The following ZNF420 variants were observed in gnomAD, a reference collection of about 807,000 sequenced individuals.
ZNF420 encodes ATM and p53-associated KZNF protein.
A neutral mutation model predicts 44.7 loss-of-function variants in ZNF420; 31 were observed. That is an observed-to-expected ratio of 0.69 (90% confidence interval 0.52 to 0.94). The LOEUF (loss-of-function observed/expected upper bound fraction) is 0.94, where lower values mean the gene tolerates loss of function less well. Ranked by LOEUF, ZNF420 falls within the 40% of genes least tolerant of loss-of-function variation. The pLI, the probability that ZNF420 is intolerant of heterozygous loss-of-function variation, is 0.00. For synonymous variants in ZNF420, 245 were observed against 267.4 expected (o/e 0.92, Z 0.82); for missense variants, 681 against 827.9 (o/e 0.82, Z 2.18).
intron 4 of ZNF420, among the ~76,000 whole-genome samples, chr19:37,116,033 G>T (rs1312433074): frequency 6.6e-6 from 1 of 152,006 alleles, no homozygotes; most frequent in Non-Finnish European, 1.5e-5. Flanking sequence ...CAAGGTTGGG[G>T]GTAGGGTTAC....
chr19:37,040,385 G>A (rs914331478), intron 1 of ZNF420, among the ~76,000 whole-genome samples: 2 of 152,206 alleles, frequency 1.3e-5, no homozygotes, highest in African/African-American at 4.8e-5. Flanking sequence ...TTAAGGGAAT[G>A]TCGTGGTTGA....
chr19:37,113,820 T>G (rs1184638069), intron 4 of ZNF420, among the ~76,000 whole-genome samples: 1 of 152,134 alleles, frequency 6.6e-6, no homozygotes, highest in African/African-American at 2.4e-5. Context: ...GCAGCCCTAT[T>G]TTTTTGGACC....
intron 4 of ZNF420, among the ~76,000 whole-genome samples, chr19:37,096,388 A>G (rs1599670421): frequency 6.6e-6 from 1 of 152,180 alleles, no homozygotes; most frequent in Non-Finnish European, 1.5e-5. Context: ...TGAATTATCC[A>G]TAGCACTTTT....
At chr19:37,072,652 G>A (rs1385832340) in intron 1 of ZNF420, among the ~76,000 whole-genome samples, 1 of 152,150 alleles carries the variant, frequency 6.6e-6, no homozygotes, top group Non-Finnish European at 1.5e-5. Context: ...TCATGACATA[G>A]ATGGCCATTG....
chr19:37,073,739 T>C (rs1053740591), upstream of ZNF420, among the ~76,000 whole-genome samples: 1 of 130,922 alleles, frequency 7.6e-6, no homozygotes, highest in Non-Finnish European at 1.6e-5. Flanking sequence ...AGCGAGACTC[T>C]GCCTGAAAAA....
At chr19:37,074,991 A>G (rs560635305), upstream of ZNF420, 5 of 152,340 alleles carry the variant, frequency 3.3e-5, no homozygotes, top group East Asian at 9.6e-4. Context: ...ATTAAATGCT[A>G]GACTCATACG....
chr19:37,123,661 T>C (rs1240168985), intron 4 of ZNF420, among the ~76,000 whole-genome samples: 2 of 137,012 alleles, frequency 1.5e-5, no homozygotes, highest in Admixed American at 1.7e-4. Context: ...TGGAGTGCAG[T>C]GGTGCAATCT....
chr19:37,122,747 G>A (rs117398167), intron 4 of ZNF420, among the ~76,000 whole-genome samples: 38 of 152,200 alleles, frequency 2.5e-4, no homozygotes, highest in Non-Finnish European at 4.7e-4. Flanking sequence ...GTGACCCAGG[G>A]TTCAATCCTC....
Position 37,129,183 on chromosome 19 carries a change from G to C in ZNF420, c.*125G>C, listed in dbSNP as rs1238910697. ...GCACAGCATCAGATAATTTATGTGA[G>C]AGAAAATGGTAGTGTCATTCATATA... On this transcript the variant is annotated 3_prime_UTR_variant, in exon 5 of 5. Coordinates refer to ENST00000337995, the MANE Select transcript of ZNF420 (RefSeq NM_144689.5). 3 of 1,214,776 alleles carry C rather than the reference G, an allele frequency of 2.5e-6. No individual in the cohort carries two copies. The African/African-American group carries it at 4.5e-5, about 18-fold the overall frequency. The allele number at this position is 1,214,776 out of a possible 1,614,324, so 75.2% of individuals were successfully genotyped here.
intron 4 of ZNF420, among the ~76,000 whole-genome samples, chr19:37,098,763 C>T (rs1260697989): frequency 1.3e-5 from 2 of 152,124 alleles, no homozygotes; most frequent in African/African-American, 4.8e-5. Flanking sequence ...ATATAGTCAC[C>T]TTATTGTGCA....
rs564794137 is a variant in ZNF420, at chr19:37,096,934, T to C, written c.136+5813T>C. On this transcript the variant is annotated intron_variant, in intron 4 of 4. Coordinates refer to ENST00000337995, the MANE Select transcript of ZNF420 (RefSeq NM_144689.5). ...TTTTTTTTGAGACAGAGTCTCGCTG[T>C]GTCACCCAGGCTGGAGTGCAGTGGC... 2.4e-4 allele frequency among the ~76,000 whole-genome samples: 36 copies of C among 151,670 alleles called. 1 individual carries two copies. In the South Asian group the frequency reaches 4.8e-3, roughly 20 times the overall value.
At chr19:37,019,892 A>G (rs1237442837) in intron 1 of ZNF420, among the ~76,000 whole-genome samples, 1 of 152,060 alleles carries the variant, frequency 6.6e-6, no homozygotes, top group Non-Finnish European at 1.5e-5. Context: ...ACAGAGCAGG[A>G]GCATCGCCAT....
intron 1 of ZNF420, among the ~76,000 whole-genome samples, chr19:37,078,914 T>G (rs963833213): frequency 6.6e-6 from 1 of 152,198 alleles, no homozygotes; most frequent in African/African-American, 2.4e-5. Flanking sequence ...TGTGTCACTT[T>G]GAGGTTGTGT....
rs866465883 is a variant in ZNF420 at position 37,030,102 on chromosome 19, C to T, written c.-125+22020C>T. Among the ~76,000 whole-genome samples the T allele has an allele frequency of 5.9e-5, 9 of 151,726 alleles. 1 individual carries two copies. In the South Asian group the frequency reaches 1.7e-3, roughly 28 times the overall value. On this transcript the variant is annotated intron_variant, in intron 1 of 4. Coordinates refer to the ZNF420 transcript ENST00000587029. ...TACTTTGTATCTCTGACCCACGTGT[C>T]CTCATTTCCTCCCTTCCTTTCTCAC...
intron 1 of ZNF420, among the ~76,000 whole-genome samples, chr19:37,035,105 C>G (rs1234471132): frequency 6.6e-6 from 1 of 152,182 alleles, no homozygotes; most frequent in African/African-American, 2.4e-5. Context: ...ACAAGCTTCA[C>G]CCATCACAAG....
intron 4 of ZNF420, among the ~76,000 whole-genome samples, chr19:37,098,788 C>G (rs897144849): frequency 6.6e-6 from 1 of 152,270 alleles, no homozygotes; most frequent in East Asian, 1.9e-4. Flanking sequence ...TACATCAGAA[C>G]TTATTTCTCC....
chr19:37,041,946 CT>C (rs1168154932), intron 1 of ZNF420, among the ~76,000 whole-genome samples: 3 of 152,162 alleles, frequency 2.0e-5, no homozygotes, highest in East Asian at 1.9e-4. Flanking sequence ...TTCCAGGTAA[CT>C]CAAGACTTTG....
intron 1 of ZNF420, among the ~76,000 whole-genome samples, chr19:37,047,597 T>C (rs1258414721): frequency 6.6e-6 from 1 of 152,248 alleles, no homozygotes; most frequent in Admixed American, 6.5e-5. Flanking sequence ...TCTAGAATTT[T>C]CTTTGTTGCC....
At chr19:37,121,549 C>G (rs1161828330) in intron 4 of ZNF420, among the ~76,000 whole-genome samples, 1 of 152,106 alleles carries the variant, frequency 6.6e-6, no homozygotes, top group African/African-American at 2.4e-5. Context: ...CAATACCATT[C>G]AGGACATAGG....
Sources: gnomAD v4.1 joint callset for allele counts (sites outside exome capture counted in the v4.1 genomes callset) on GRCh38, gnomAD v4.1.1 for gene constraint, MANE v1.5 for transcripts, NCBI Gene and HGNC (gene_info 2026-07-23, HGNC 2026-07-21) for gene names.